Variants in ACO1 observed in about 807,000 individuals in gnomAD.
ACO1 encodes the protein cytoplasmic aconitate hydratase.
ACO1 carries 78 observed loss-of-function variants against 105.1 expected under a neutral mutation model. That is an observed-to-expected ratio of 0.74 (90% CI 0.62 to 0.90). The LOEUF is 0.90. Among genes scored for constraint, ACO1 ranks in the 40% least tolerant of loss-of-function variants. ACO1 has a pLI of 0.00. For synonymous variants in ACO1, 364 were observed against 397.4 expected (o/e 0.92, Z 1.00); for missense variants, 965 against 1,111.1 (o/e 0.87, Z 1.87).
intron 2 of ACO1, among the ~76,000 whole-genome samples, chr9:32,406,413 G>C (rs1005658435): frequency 6.6e-6 from 1 of 152,166 alleles, no homozygotes; most frequent in East Asian, 1.9e-4. Flanking sequence ...TTGAGTCCAG[G>C]AGTTTAAGAC....
chr9:32,389,539 C>A (rs1483295493), intron 1 of ACO1, among the ~76,000 whole-genome samples: 1 of 152,160 alleles, frequency 6.6e-6, no homozygotes, highest in Non-Finnish European at 1.5e-5. Context: ...AACAGGCACA[C>A]TTACCATGTA....
At chr9:32,446,857 T>C (rs1822620473) in intron 19 of ACO1, among the ~76,000 whole-genome samples, 1 of 152,192 alleles carries the variant, frequency 6.6e-6, no homozygotes. Flanking sequence ...TTAGTTCGGC[T>C]GGATATGAAA....
In ACO1 at chr9:32,453,470, C is replaced by G. The variant is rs1016974888; in HGVS notation, c.*3359C>G. 3 of 152,144 alleles carry G rather than the reference C, an allele frequency of 2.0e-5. No individual in the cohort carries two copies. The highest frequency in any genetic ancestry group is 6.6e-5 in the Admixed American group (1 of 15,248). The allele number at this position is 152,144 out of a possible 1,614,324, so 9.4% of individuals were successfully genotyped here. On this transcript the variant is annotated 3_prime_UTR_variant, in exon 21 of 21. Coordinates refer to ENST00000309951, the MANE Select transcript of ACO1 (RefSeq NM_002197.3). ...TTCCATTTGCCCCTCCAACCACCCC[C>G]CCATCCCTCCACCAATCATACCTTC...
intron 12 of ACO1, among the ~76,000 whole-genome samples, chr9:32,429,166 T>C (rs1367705244): frequency 6.6e-6 from 1 of 152,250 alleles, no homozygotes; most frequent in African/African-American, 2.4e-5. Flanking sequence ...ATGGCATATA[T>C]GATTTCAACT....
At chr9:32,444,862 A>G (rs1822563895) in intron 19 of ACO1, among the ~76,000 whole-genome samples, 1 of 152,158 alleles carries the variant, frequency 6.6e-6, no homozygotes. Flanking sequence ...TTCTGCATCT[A>G]TTGAGATAAT....
chr9:32,430,918 T>C (rs1181694588), intron 14 of ACO1, among the ~76,000 whole-genome samples: 1 of 152,220 alleles, frequency 6.6e-6, no homozygotes, highest in African/African-American at 2.4e-5. Flanking sequence ...ATATTTCAAC[T>C]TCTCAGAATT....
At position 32,418,188 on chromosome 9, in the gene ACO1, A is replaced by G; in HGVS notation, c.465A>G (p.Glu155=). ...TTGAAAGAAATAGAGAGCGATTTGA[A>G]TTTTTAAAGGTATGGGCAGGGTCTG... The part of the protein sequence containing the change: ...LEFERNRERF[E]FLKWGSQAFH... The change falls in exon 5 of 21, where the codon GAA becomes GAG. Residue 155 remains glutamate, a synonymous_variant. Transcript: ENST00000309951. The G allele has an allele frequency of 6.2e-7, 1 of 1,614,212 alleles. No individual in the cohort carries two copies.
intron 4 of ACO1, among the ~76,000 whole-genome samples, chr9:32,413,163 T>C (rs1821776256): frequency 6.6e-6 from 1 of 152,060 alleles, no homozygotes; most frequent in Non-Finnish European, 1.5e-5. Context: ...GATAACCAAA[T>C]CTAGCAAACC....
At chr9:32,440,434 C>T in intron 18 of ACO1, 31 bp from the exon 19 acceptor site, 7 of 1,612,516 alleles carry the variant, frequency 4.3e-6, no homozygotes, top group East Asian at 2.2e-5. Context: ...GCCTCTCCTG[C>T]ATCTGTAAAA....
chr9:32,405,515 C>G lies in ACO1; in HGVS notation c.9C>G (p.Asn3Lys), dbSNP rs1482161339. The G allele has an allele frequency of 1.2e-6, 2 of 1,613,018 alleles. No homozygotes were observed. Among genetic ancestry groups the G allele is most frequent in the African/African-American group, 2.7e-5 (2 of 74,888 alleles). Residue 3 changes from asparagine (N) to lysine (K), a missense_variant, in exon 2 of 21, where the codon AAC becomes AAG. Physicochemically the swap from Asn to Lys is moderately conservative, Grantham distance 94. Transcript: ENST00000309951. ...CGTGGCCATCAGTAATCATGAGCAA[C>G]CCATTCGCACACCTTGCTGAGCCAT... MS[N>K]PFAHLAEPLD...
chr9:32,424,416 C>T, intron 9 of ACO1, 133 bp from the exon 10 acceptor site: 1 of 653,422 alleles, frequency 1.5e-6, no homozygotes, highest in Non-Finnish European at 2.7e-6. Context: ...ACACTGGCTT[C>T]CTTGTTTTGG....
intron 8 of ACO1, among the ~76,000 whole-genome samples, chr9:32,421,861 G>T (rs1821983341): frequency 6.6e-6 from 1 of 152,190 alleles, no homozygotes; most frequent in Admixed American, 6.5e-5. Context: ...TGAAGTGAAG[G>T]GACAGCCATG....
intron 7 of ACO1, among the ~76,000 whole-genome samples, chr9:32,420,079 T>G (rs1239933638): frequency 9.5e-6 from 1 of 104,968 alleles, no homozygotes; most frequent in Non-Finnish European, 2.5e-5. Flanking sequence ...CTACAGGACT[T>G]CCTCACAAAA....
intron 20 of ACO1, among the ~76,000 whole-genome samples, 175 bp from the exon 21 acceptor site, chr9:32,449,823 T>A (rs920275207): frequency 4.6e-5 from 7 of 152,164 alleles, no homozygotes; most frequent in Non-Finnish European, 1.0e-4. Flanking sequence ...CTTGCTGAAA[T>A]GCATCTTCTG....
chr9:32,430,610 A>G, intron 14 of ACO1, 36 bp downstream of exon 14: 1 of 1,565,554 alleles, frequency 6.4e-7, no homozygotes, highest in Non-Finnish European at 8.6e-7. Flanking sequence ...ATTTTTTTCC[A>G]GTGAATTCAG....
At chr9:32,428,901 G>A (rs1822163117) in intron 12 of ACO1, among the ~76,000 whole-genome samples, 1 of 151,888 alleles carries the variant, frequency 6.6e-6, no homozygotes, top group South Asian at 2.1e-4. Context: ...AACAAGAAAT[G>A]CCTTGCACTG....
chr9:32,415,527 G>A (rs562453173), intron 4 of ACO1, among the ~76,000 whole-genome samples: 5 of 152,264 alleles, frequency 3.3e-5, no homozygotes, highest in South Asian at 2.1e-4. Flanking sequence ...GCGCATGCCC[G>A]AAACACACTG....
In ACO1 at chr9:32,418,358, A is replaced by G; in HGVS notation, c.505A>G (p.Ile169Val). The change falls in exon 6 of 21, where the codon ATT becomes GTT. Residue 169 changes from isoleucine to valine, a missense_variant. Physicochemically the swap from Ile to Val is conservative, Grantham distance 29. Coordinates refer to ENST00000309951, the MANE Select transcript of ACO1 (RefSeq NM_002197.3). ...TTCCCAGGCTTTTCACAACATGCGG[A>G]TTATTCCCCCTGGCTCAGGAATCAT... ...WGSQAFHNMR[I>V]IPPGSGIIHQ... The G allele has an allele frequency of 6.2e-7, 1 of 1,614,142 alleles. No individual in the cohort carries two copies. The highest frequency in any genetic ancestry group is 8.5e-7 in the Non-Finnish European group (1 of 1,180,016).
In ACO1 at chr9:32,418,084, T is replaced by C. The variant is rs1465279989; in HGVS notation, c.405-44T>C. On this transcript the variant is annotated intron_variant, in intron 4 of 20. Transcript: ENST00000309951. ...TCACCAATAAATTTGACCACTAATA[T>C]GTTAAGTCTCAAATTGTATACATTT... 2.5e-6 allele frequency: 4 copies of C among 1,574,674 alleles called. No individual in the cohort carries two copies. The African/African-American group carries it at 4.1e-5, about 16-fold the overall frequency.
Sources: gnomAD v4.1 joint callset for allele counts (sites outside exome capture counted in the v4.1 genomes callset) on GRCh38, gnomAD v4.1.1 for gene constraint, MANE v1.5 for transcripts, NCBI Gene and HGNC (gene_info 2026-07-23, HGNC 2026-07-21) for gene names.